ODF2: variants seen among roughly 807,000 people sequenced by gnomAD.
The protein encoded by ODF2 is outer dense fiber of sperm tails 2.
ODF2 carries 47 observed loss-of-function variants against 110.2 expected under a neutral mutation model. That is an observed-to-expected ratio of 0.43 (90% CI 0.34 to 0.54). The LOEUF is 0.54. Ranked by LOEUF, ODF2 falls within the 20% of genes least tolerant of loss-of-function variation. ODF2 has a pLI of 0.03. For missense variants in ODF2, 812 were observed against 1,054.5 expected, an observed-to-expected ratio of 0.77 and a Z score of 3.19; for synonymous variants, 352 against 397.7, an observed-to-expected ratio of 0.89 and a Z score of 1.37.
chr9:128,492,838 C>A, intron 16 of ODF2, 33 bp downstream of exon 16: 1 of 1,557,712 alleles, frequency 6.4e-7, no homozygotes, highest in Non-Finnish European at 8.8e-7. Flanking sequence ...TCTTCTCCTA[C>A]CCAATTCCAT....
rs551756144 is a variant in ODF2, at chr9:128,473,371, G to C, written c.712-239G>C. 52 of 679,694 alleles carry C rather than the reference G, an allele frequency of 7.7e-5. 1 individual carries two copies. In the Middle Eastern group the frequency reaches 2.3e-3, roughly 30 times the overall value. 42.1% of individuals were successfully genotyped at this position (679,694 alleles called of 1,614,324 possible). ...TTCCTCCAGGAAGTCTGCCCTGACT[G>C]TGCTCACCCACACTGAGCCTTCCCA... is the stretch of plus-strand genomic sequence containing the variant. On this transcript the variant is annotated intron_variant, in intron 7 of 20. Coordinates refer to ENST00000604420, the Ensembl canonical transcript of ODF2.
chr9:128,475,524 A>G (rs1564489070), intron 8 of ODF2, among the ~76,000 whole-genome samples: 1 of 152,220 alleles, frequency 6.6e-6, no homozygotes, highest in East Asian at 1.9e-4. Context: ...CAGTAACTAT[A>G]GTCACCATGT....
chr9:128,488,163 T>A, intron 14 of ODF2, 138 bp downstream of exon 14: 1 of 1,023,982 alleles, frequency 9.8e-7, no homozygotes, highest in Non-Finnish European at 1.4e-6. Context: ...CATGGTGGCT[T>A]AGGCCTGTAA....
exon 21 of ODF2, chr9:128,500,104 A>G: frequency 6.2e-7 from 1 of 1,614,256 alleles, no homozygotes; most frequent in Non-Finnish European, 8.5e-7. Flanking sequence ...CAAGACCTGA[A>G]AGATCGCCTG....
intron 4 of ODF2, among the ~76,000 whole-genome samples, chr9:128,466,204 G>A (rs899439664): frequency 5.4e-5 from 8 of 148,872 alleles, no homozygotes; most frequent in African/African-American, 1.7e-4. Context: ...GGTGTCTCAC[G>A]CCTGTAATCC....
At chr9:128,460,715 C>T in intron 3 of ODF2, 49 bp downstream of exon 3, 1 of 1,606,474 alleles carries the variant, frequency 6.2e-7, no homozygotes, top group Non-Finnish European at 8.5e-7. Flanking sequence ...TCTGGGTGAT[C>T]CTGCTAAGCC....
chr9:128,466,466 CAAA>C (rs11326501), intron 4 of ODF2, among the ~76,000 whole-genome samples: 7 of 138,190 alleles, frequency 5.1e-5, no homozygotes, highest in Non-Finnish European at 6.2e-5. Flanking sequence ...GACCCCATCT[CAAA>C]AAAAAAAAAA....
chr9:128,465,468 C>T (rs879434036), intron 4 of ODF2, among the ~76,000 whole-genome samples: 3 of 152,132 alleles, frequency 2.0e-5, no homozygotes, highest in East Asian at 1.9e-4. Context: ...ATCAGCCGGG[C>T]GCGGTGGCTC....
At chr9:128,469,906 C>A (rs1283587347) in intron 5 of ODF2, among the ~76,000 whole-genome samples, 2 of 133,668 alleles carry the variant, frequency 1.5e-5, no homozygotes, top group Non-Finnish European at 3.1e-5. Context: ...ATTGCTTGAA[C>A]CCAGGAGCCA....
chr9:128,455,470 C>A (rs111435874), upstream of ODF2: 12 of 232,246 alleles, frequency 5.2e-5, no homozygotes, highest in Non-Finnish European at 9.0e-5. Context: ...AGGAGAATGG[C>A]GTGAACCCGG....
intron 8 of ODF2, among the ~76,000 whole-genome samples, chr9:128,477,414 T>TTAATA (rs1841515692): frequency 6.6e-6 from 1 of 151,662 alleles, no homozygotes; most frequent in Non-Finnish European, 1.5e-5. Context: ...CCAGGTGTGG[T>TTAATA]GGCACACACC....
chr9:128,456,523 G>C, intron 1 of ODF2: 1 of 1,526,536 alleles, frequency 6.6e-7, no homozygotes, highest in Non-Finnish European at 8.8e-7. Context: ...CCGCCCGCGG[G>C]CAGGGCTTCA....
At chr9:128,493,387 AAAAC>A (rs369064047) in intron 16 of ODF2, among the ~76,000 whole-genome samples, 116 of 152,282 alleles carry the variant, frequency 7.6e-4, no homozygotes, top group Middle Eastern at 3.4e-3. Flanking sequence ...ACTCTGTCTC[AAAAC>A]AAACAAACAA....
At chr9:128,498,354 C>T (rs1254522086) in intron 18 of ODF2, 59 bp from the exon 19 acceptor site, 9 of 1,444,514 alleles carry the variant, frequency 6.2e-6, no homozygotes, top group South Asian at 3.1e-5. Context: ...AGCCCCCTGG[C>T]GGGGTGGAAC....
chr9:128,480,925 T>G (rs1352814669), intron 8 of ODF2, among the ~76,000 whole-genome samples: 1 of 152,220 alleles, frequency 6.6e-6, no homozygotes, highest in Non-Finnish European at 1.5e-5. Context: ...ACAAACAGTA[T>G]TTCTCTTGAT....
At chr9:128,495,070 G>GAGAT (rs1845356688) in intron 17 of ODF2, among the ~76,000 whole-genome samples, 1 of 152,214 alleles carries the variant, frequency 6.6e-6, no homozygotes. Flanking sequence ...TGCACTGCCT[G>GAGAT]AGATTCTGTC....
chr9:128,469,416 A>C, intron 5 of ODF2, 63 bp downstream of exon 5: 1 of 1,546,204 alleles, frequency 6.5e-7, no homozygotes, highest in Non-Finnish European at 8.9e-7. Flanking sequence ...ACCCAGGTGG[A>C]TTTCCTGCCT....
At chr9:128,473,766 C>G in intron 8 of ODF2, 25 bp downstream of exon 8, 1 of 1,605,012 alleles carries the variant, frequency 6.2e-7, no homozygotes. Flanking sequence ...TGGCTCTTTC[C>G]CTCCAGCTCT....
chr9:128,457,128 C>G (rs1835081807), intron 1 of ODF2: 1 of 1,443,328 alleles, frequency 6.9e-7, no homozygotes, highest in Admixed American at 2.1e-5. Context: ...CGGTTCTGCC[C>G]CGTCCCCTCC....
Sources: gnomAD v4.1 joint callset for allele counts (sites outside exome capture counted in the v4.1 genomes callset) on GRCh38, gnomAD v4.1.1 for gene constraint, MANE v1.5 for transcripts, NCBI Gene and HGNC (gene_info 2026-07-23, HGNC 2026-07-21) for gene names.